Variants in ZNF100 observed in about 807,000 individuals in gnomAD.
ZNF100 encodes zinc finger protein 100 (Y1).
In ZNF100, 12 loss-of-function variants were observed where a neutral mutation model predicts 15.8. The ratio of observed to expected loss-of-function variants is 0.76; its 90% CI spans 0.49 to 1.23. The LOEUF is 1.23. Among genes scored for constraint, ZNF100 ranks in the 50% most tolerant of loss-of-function variants. The pLI is 0.00. For missense variants in ZNF100, 670 were observed against 635.6 expected (o/e 1.05, Z -0.58); for synonymous variants, 226 against 214.8 (o/e 1.05, Z -0.45).
In ZNF100 at chr19:21,726,792, T is replaced by C. The variant is rs1241923801; in HGVS notation, c.1520A>G (p.His507Arg). ...SSTLTKHKIT[H>R]TGEKSYKWEE... ...CCATTTGTAAGATTTCTCTCCAGTA[T>C]GAGTTATCTTATGTTTAGTAAGGGT... The change falls in exon 5 of 5, where the codon CAT becomes CGT. Residue 507 changes from histidine (H) to arginine (R), a missense_variant. His to Arg is a conservative substitution (Grantham distance 29). Coordinates refer to ENST00000358296, the MANE Select transcript of ZNF100 (RefSeq NM_173531.4). 2 of 1,612,802 alleles carry C rather than the reference T, an allele frequency of 1.2e-6. No homozygotes were observed. The highest frequency in any genetic ancestry group is 1.7e-6 in the Non-Finnish European group (2 of 1,178,838).
chr19:21,765,012 C>T (rs1304381113), intron 2 of ZNF100, among the ~76,000 whole-genome samples: 2 of 152,022 alleles, frequency 1.3e-5, no homozygotes, highest in African/African-American at 2.4e-5. Flanking sequence ...AATCACTCAG[C>T]CATAAAAAAA....
At chr19:21,767,250 G>T (rs1439969865) in intron 1 of ZNF100, among the ~76,000 whole-genome samples, 177 bp downstream of exon 1, 3 of 152,178 alleles carry the variant, frequency 2.0e-5, no homozygotes, top group Non-Finnish European at 4.4e-5. Flanking sequence ...GGACGCCTGG[G>T]GTCCTGGCTG....
chr19:21,745,167 G>T, intron 2 of ZNF100, 100 bp from the exon 3 acceptor site: 2 of 1,483,824 alleles, frequency 1.3e-6, no homozygotes, highest in Non-Finnish European at 1.8e-6. Flanking sequence ...AAAGAGAATT[G>T]GTTCTGATTA....
chr19:21,745,065 C>T lies in ZNF100; in HGVS notation c.99G>A (p.Gly33=), dbSNP rs764789895. 6.2e-7 allele frequency: 1 copy of T among 1,609,910 alleles called. No individual in the cohort carries two copies. The highest frequency in any genetic ancestry group is 1.7e-5 in the Admixed American group (1 of 58,752). The part of the protein sequence containing the change: ...SLLVQSYFEK[G]PLTFRDVAIE... The stretch of plus-strand genomic sequence containing the variant: ...TGGCCACATCCCTAAACGTCAATGG[C>T]CCCTGAAAAGCACAAGCACAGAGAC... The change falls in exon 3 of 5, where the codon GGG becomes GGA. Residue 33 remains glycine (G), a splice_region_variant and synonymous_variant. Transcript: ENST00000358296.
intron 4 of ZNF100, among the ~76,000 whole-genome samples, chr19:21,733,769 A>C (rs999061251): frequency 1.1e-3 from 154 of 145,138 alleles, no homozygotes; most frequent in East Asian, 8.6e-3. Flanking sequence ...GGACCACCCC[A>C]CCAACAGGCA....
intron 1 of ZNF100, 118 bp downstream of exon 1, chr19:21,767,309 G>A (rs1237764397): frequency 1.0e-5 from 16 of 1,565,694 alleles, no homozygotes; most frequent in Non-Finnish European, 1.4e-5. Context: ...GCCGAGCTGG[G>A]CAAGGCGCAG....
At position 21,733,753 on chromosome 19, in the gene ZNF100, G is replaced by A. The variant is rs142445419; in HGVS notation, c.323-5764C>T. On this transcript the variant is annotated intron_variant, in intron 4 of 4. Transcript: ENST00000358296. ...TTCCTGAATCCTGTGCATCCTGACT[G>A]AGTGAGGACCACCCCACCAACAGGC... Among the ~76,000 whole-genome samples the A allele has an allele frequency of 4.4e-3, 666 of 152,354 alleles. 1 individual carries two copies. Among genetic ancestry groups the A allele is most frequent in the African/African-American group, 0.015 (644 of 41,570 alleles).
At chr19:21,767,310 C>A in intron 1 of ZNF100, 117 bp downstream of exon 1, 14 of 1,570,150 alleles carry the variant, frequency 8.9e-6, no homozygotes, top group Non-Finnish European at 1.1e-5. Context: ...CCGAGCTGGG[C>A]AAGGCGCAGA....
At chr19:21,760,503 T>A (rs74518894) in intron 2 of ZNF100, among the ~76,000 whole-genome samples, 11,778 of 151,150 alleles carry the variant, frequency 0.078, 519 homozygotes, top group Middle Eastern at 0.14. Flanking sequence ...TAAAAAAAAA[T>A]AAAATAAAAT....
At chr19:21,737,115 A>T (rs1568296302) in intron 4 of ZNF100, among the ~76,000 whole-genome samples, 1 of 151,966 alleles carries the variant, frequency 6.6e-6, no homozygotes, top group African/African-American at 2.4e-5. Flanking sequence ...GGAGCTGTTT[A>T]AAAAAAATAA....
In ZNF100 at chr19:21,722,927, T is replaced by G. The variant is rs1287434525; in HGVS notation, c.*3756A>C. ...ACACTTTAAGAATCTAATTTTTTTT[T>G]TAACAAAGAACAACTATTCTGATTT... On this transcript the variant is annotated 3_prime_UTR_variant, in exon 5 of 5. Coordinates refer to ENST00000358296, the MANE Select transcript of ZNF100 (RefSeq NM_173531.4). 2.0e-5 allele frequency: 3 copies of G among 152,010 alleles called. No individual in the cohort carries two copies. The highest frequency in any genetic ancestry group is 1.3e-4 in the Admixed American group (2 of 15,260). 9.4% of individuals were successfully genotyped at this position (152,010 alleles called of 1,614,324 possible). A position where few individuals can be genotyped will look rare whatever the true frequency, so the allele number is the denominator to read the frequency against.
intron 4 of ZNF100, among the ~76,000 whole-genome samples, chr19:21,729,274 A>G (rs1347950647): frequency 6.6e-6 from 1 of 152,132 alleles, no homozygotes; most frequent in African/African-American, 2.4e-5. Context: ...CCTGCCAAAT[A>G]AAAAGAAAAT....
chr19:21,765,957 A>G (rs1414242908), intron 1 of ZNF100, among the ~76,000 whole-genome samples, 171 bp from the exon 2 acceptor site: 4 of 152,154 alleles, frequency 2.6e-5, no homozygotes, highest in Admixed American at 2.6e-4. Context: ...CAAAACCTTG[A>G]CCCAAAAACA....
At chr19:21,746,314 G>T (rs1232808452) in intron 2 of ZNF100, among the ~76,000 whole-genome samples, 1 of 152,138 alleles carries the variant, frequency 6.6e-6, no homozygotes, top group African/African-American at 2.4e-5. Context: ...TTTCAATAAT[G>T]ATTTTAAGTA....
At chr19:21,760,221 C>T (rs145066996) in intron 2 of ZNF100, among the ~76,000 whole-genome samples, 39 of 149,462 alleles carry the variant, frequency 2.6e-4, no homozygotes, top group African/African-American at 8.1e-4. Flanking sequence ...TCTAATATGA[C>T]TAAGTGTATG....
At chr19:21,740,594 A>G (rs148244955) in intron 4 of ZNF100, among the ~76,000 whole-genome samples, 2,103 of 152,286 alleles carry the variant, frequency 0.014, 50 homozygotes, top group African/African-American at 0.047. Flanking sequence ...AGTGGTTCAC[A>G]CCTGTAATCC....
intron 2 of ZNF100, among the ~76,000 whole-genome samples, chr19:21,760,030 A>G (rs887603116): frequency 6.6e-6 from 1 of 151,964 alleles, no homozygotes; most frequent in Non-Finnish European, 1.5e-5. Flanking sequence ...TAAAAATATA[A>G]AATTAGCTGG....
At chr19:21,734,140 C>T (rs964953922) in intron 4 of ZNF100, among the ~76,000 whole-genome samples, 1 of 152,176 alleles carries the variant, frequency 6.6e-6, no homozygotes, top group Admixed American at 6.5e-5. Context: ...AACTCAAAAA[C>T]CCAGAGTGTC....
chr19:21,750,959 G>A lies in ZNF100; in HGVS notation c.97-5892C>T, dbSNP rs187393287. ...CGACATCTACGAGGCGGCACCCGGG[G>A]ATGCGGTGGCGGTAGCGCCCGCTTC... On this transcript the variant is annotated intron_variant, in intron 2 of 4. Transcript: ENST00000358296. 6.6e-5 allele frequency: 60 copies of A among 902,378 alleles called. No homozygotes were observed. In the African/African-American group the frequency reaches 9.9e-4, roughly 15 times the overall value. 55.9% of individuals were successfully genotyped at this position (902,378 alleles called of 1,614,324 possible). A position where few individuals can be genotyped will look rare whatever the true frequency, so the allele number is the denominator to read the frequency against.
Sources: gnomAD v4.1 joint callset for allele counts (sites outside exome capture counted in the v4.1 genomes callset) on GRCh38, gnomAD v4.1.1 for gene constraint, MANE v1.5 for transcripts, NCBI Gene and HGNC (gene_info 2026-07-23, HGNC 2026-07-21) for gene names.